RPGR: variants seen among roughly 807,000 people sequenced by gnomAD.
The protein encoded by RPGR is retinitis pigmentosa GTPase regulator.
In RPGR, 10 loss-of-function variants were observed where a neutral mutation model predicts 56.3. The ratio of observed to expected loss-of-function variants is 0.18; its 90% CI spans 0.11 to 0.30. RPGR has a LOEUF of 0.30. RPGR is among the 10% of genes least tolerant of loss of function. RPGR has a pLI of 1.00. For synonymous variants in RPGR, 197 were observed against 212.9 expected, an observed-to-expected ratio of 0.93 and a Z score of 0.65; for missense variants, 538 against 590.9, an observed-to-expected ratio of 0.91 and a Z score of 0.93.
rs1306592430 is a variant in RPGR at position 38,291,620 on chromosome X, G to C, written c.1415-136C>G. The C allele has an allele frequency of 7.3e-6, 3 of 412,285 alleles. No individual in the cohort carries two copies. The African/African-American group carries it at 7.5e-5, about 10-fold the overall frequency. 34.0% of individuals were successfully genotyped at this position (412,285 alleles called of 1,213,427 possible). ...TAAAAGTCCTTTAACCTCATGTCAG[G>C]GAAATTGAAAAGAATTCATTCACAA... On this transcript the variant is annotated intron_variant, in intron 11 of 18. Coordinates refer to ENST00000642395, the MANE Select transcript of RPGR (RefSeq NM_000328.3).
intron 13 of RPGR, 29 bp downstream of exon 13, chrX:38,290,930 A>G: frequency 1.3e-6 from 1 of 799,847 alleles, no homozygotes; most frequent in Non-Finnish European, 1.8e-6. Context: ...TCTCACCAAC[A>G]ATAACGAAAA....
At chrX:38,305,660 C>A (rs2067583228) in intron 7 of RPGR, among the ~76,000 whole-genome samples, 1 of 108,221 alleles carries the variant, frequency 9.2e-6, no homozygotes, top group African/African-American at 3.4e-5. Context: ...GCAGGAGAAT[C>A]GCTTGAACCC....
intron 6 of RPGR, among the ~76,000 whole-genome samples, chrX:38,313,700 G>A (rs1234766550): frequency 9.0e-6 from 1 of 111,648 alleles, no homozygotes; most frequent in African/African-American, 3.3e-5. Context: ...AAACCTGCCT[G>A]CATATATGGA....
intron 17 of RPGR, chrX:38,274,020 A>G (rs144763713): frequency 0.02 from 2,259 of 112,667 alleles, 39 homozygotes; most frequent in Middle Eastern, 0.05. Flanking sequence ...AAAATATTCT[A>G]AAACTTACTA....
At position 38,299,054 on chromosome X, in the gene RPGR, TATC is replaced by T. The variant is rs748280677; in HGVS notation, c.1144_1146del (p.Asp382del). On this transcript the variant is annotated inframe_deletion, in exon 10 of 19. Coordinates refer to ENST00000642395, the MANE Select transcript of RPGR (RefSeq NM_000328.3). Reference sequence around the variant, plus strand: ...AGAAAAGTCGCCACAGATAAGCAAGTATCATTTATTTCATCGAATTCAATTTCT... The same window carrying T: ...AGAAAAGTCGCCACAGATAAGCAAGTATTTATTTCATCGAATTCAATTTCT... 3.3e-6 allele frequency: 4 copies of T among 1,209,823 alleles called. No homozygotes were observed. The East Asian group carries it at 1.2e-4, about 36-fold the overall frequency.
intron 11 of RPGR, among the ~76,000 whole-genome samples, chrX:38,292,044 T>C (rs1490961373): frequency 1.8e-5 from 2 of 110,547 alleles, no homozygotes; most frequent in African/African-American, 6.6e-5. Context: ...AATCACTTGC[T>C]CTGTAGGAGT....
rs763302755 is a variant in RPGR, at chrX:38,269,690, T to C, written c.2384A>G (p.Gln795Arg). Reference sequence around the variant, plus strand: ...TGTTGGTGGGATATTCTGATGATTCTGACTCATGTGGTTCTGGTCGGCATC... The same window carrying C: ...TGTTGGTGGGATATTCTGATGATTCCGACTCATGTGGTTCTGGTCGGCATC... The change falls in exon 19 of 19, where the codon CAG (glutamine) becomes CGG (arginine). Residue 795 changes from glutamine (Q) to arginine (R), a missense_variant. By Grantham distance (43) the Gln-to-Arg change is conservative. This residue lies in a region of RPGR where 357 missense variants were observed against 325.8 expected (regional missense o/e 1.10). Coordinates refer to ENST00000642395, the MANE Select transcript of RPGR (RefSeq NM_000328.3). The C allele has an allele frequency of 3.3e-6, 4 of 1,207,944 alleles. No individual in the cohort carries two copies. The highest frequency in any genetic ancestry group is 4.4e-5 in the Admixed American group (2 of 45,732).
intron 15 of RPGR, chrX:38,285,218 T>C: frequency 1.1e-6 from 1 of 906,053 alleles, no homozygotes; most frequent in African/African-American, 2.0e-5. Context: ...CAAAACACTC[T>C]TGTAGTATAT....
At chrX:38,308,311 A>G (rs1218165336) in intron 7 of RPGR, 1 of 112,192 alleles carries the variant, frequency 8.9e-6, no homozygotes, top group African/African-American at 3.2e-5. Context: ...AGAGCAATCA[A>G]TTTCTGGAAA....
In RPGR at chrX:38,310,784, A is replaced by C; in HGVS notation, c.620-11T>G. Reference sequence around the variant, plus strand: ...ATAGCTCACCATCTGCTATTGAAGGAAAAGTATAGTGATTAGTGATGACAT... The same window carrying C: ...ATAGCTCACCATCTGCTATTGAAGGCAAAGTATAGTGATTAGTGATGACAT... On this transcript the variant is annotated splice_polypyrimidine_tract_variant and intron_variant, in intron 6 of 18. Transcript: ENST00000642395. 1 of 1,207,966 alleles carries C rather than the reference A, an allele frequency of 8.3e-7. No homozygotes were observed. The highest frequency in any genetic ancestry group is 1.1e-6 in the Non-Finnish European group (1 of 892,541).
At chrX:38,309,349 T>C (rs1465442876) in intron 7 of RPGR, among the ~76,000 whole-genome samples, 1 of 111,941 alleles carries the variant, frequency 8.9e-6, no homozygotes, top group African/African-American at 3.2e-5. Flanking sequence ...AGCTACACAT[T>C]GTAAATGTCA....
At chrX:38,288,914 T>G (rs185448696) in intron 13 of RPGR, among the ~76,000 whole-genome samples, 4,244 of 109,748 alleles carry the variant, frequency 0.039, 86 homozygotes, top group Non-Finnish European at 0.059. Context: ...CCTGAGTAGC[T>G]GGGACTATGG....
At chrX:38,272,423 G>C (rs1344490602) in intron 18 of RPGR, 3 of 110,623 alleles carry the variant, frequency 2.7e-5, no homozygotes, top group Non-Finnish European at 3.8e-5. Flanking sequence ...GAGAAACCCC[G>C]TCTCTACTAA....
chrX:38,301,942 T>A (rs909845877), intron 8 of RPGR, among the ~76,000 whole-genome samples: 12 of 111,575 alleles, frequency 1.1e-4, no homozygotes, highest in African/African-American at 3.9e-4. Context: ...CCAAACGTTG[T>A]CATGTGACTT....
At position 38,317,663 on chromosome X, in the gene RPGR, A is replaced by G. The variant is rs981748750; in HGVS notation, c.470-198T>C. 1.0e-5 allele frequency: 4 copies of G among 398,918 alleles called. No homozygotes were observed. In the Admixed American group the frequency reaches 1.3e-4, roughly 13 times the overall value. 32.9% of individuals were successfully genotyped at this position (398,918 alleles called of 1,213,427 possible). A position where few individuals can be genotyped will look rare whatever the true frequency, so the allele number is the denominator to read the frequency against. The stretch of plus-strand genomic sequence containing the variant: ...TTGTGAAATGCTTCTATAATGATAA[A>G]GAACACAGAACAGCCTGATTGTAAA... On this transcript the variant is annotated intron_variant, in intron 5 of 18. Transcript: ENST00000642395.
intron 3 of RPGR, 108 bp from the exon 4 acceptor site, chrX:38,321,197 C>G: frequency 1.6e-6 from 1 of 609,165 alleles, no homozygotes; most frequent in East Asian, 3.6e-5. Flanking sequence ...GCGGGCTTGT[C>G]TGATTCCAAA....
intron 11 of RPGR, among the ~76,000 whole-genome samples, chrX:38,293,695 G>A (rs751822464): frequency 9.0e-6 from 1 of 111,598 alleles, no homozygotes; most frequent in Non-Finnish European, 1.9e-5. Flanking sequence ...GATCATATCC[G>A]ATCCACTTGA....
At chrX:38,314,913 T>C (rs1426391481) in intron 6 of RPGR, among the ~76,000 whole-genome samples, 1 of 111,945 alleles carries the variant, frequency 8.9e-6, no homozygotes, top group Non-Finnish European at 1.9e-5. Context: ...GCTGGGTATA[T>C]ACCCAAAAGA....
intron 7 of RPGR, 116 bp from the exon 8 acceptor site, chrX:38,304,906 GA>G (rs754050957): frequency 2.0e-3 from 1,142 of 577,520 alleles, no homozygotes; most frequent in Non-Finnish European, 2.6e-3. Context: ...TGCCTCTGGG[GA>G]AAAAAAAACA....
Sources: allele counts gnomAD v4.1 joint callset (sites outside exome capture counted in the v4.1 genomes callset), GRCh38; gene constraint gnomAD v4.1.1; regional missense constraint gnomAD v4.1.1; transcripts MANE v1.5; gene names NCBI Gene and HGNC (gene_info 2026-07-23, HGNC 2026-07-21).